The following VMP1 variants were observed in gnomAD, a reference collection of about 807,000 sequenced individuals.
VMP1 encodes vacuole membrane protein 1.
VMP1 carries 11 observed loss-of-function variants against 56.0 expected under a neutral mutation model. The ratio of observed to expected loss-of-function variants is 0.20; its 90% CI spans 0.12 to 0.32. The LOEUF is 0.32. VMP1 is among the 10% of genes least tolerant of loss of function. VMP1 has a pLI of 1.00. For synonymous variants in VMP1, 149 were observed against 165.0 expected, an observed-to-expected ratio of 0.90 and a Z score of 0.74; for missense variants, 296 against 490.3, an observed-to-expected ratio of 0.60 and a Z score of 3.74.
intron 7 of VMP1, among the ~76,000 whole-genome samples, chr17:59,806,534 A>G (rs76703969): frequency 6.6e-6 from 1 of 151,822 alleles, no homozygotes. Context: ...TGACAATATG[A>G]TGAAACCCCC....
chr17:59,811,398 A>G (rs986987756), intron 8 of VMP1, among the ~76,000 whole-genome samples: 16 of 152,198 alleles, frequency 1.1e-4, no homozygotes, highest in Non-Finnish European at 1.9e-4. Context: ...ACAAACACAC[A>G]CACAGTGCCT....
chr17:59,731,121 T>C (rs950557709), intron 1 of VMP1, among the ~76,000 whole-genome samples: 1 of 152,226 alleles, frequency 6.6e-6, no homozygotes. Context: ...GATATCCTCC[T>C]TCTGTGGACA....
chr17:59,777,853 C>CA (rs869189824), intron 7 of VMP1, among the ~76,000 whole-genome samples: 1 of 145,616 alleles, frequency 6.9e-6, no homozygotes, highest in Admixed American at 6.9e-5. Context: ...CAAAACAAAA[C>CA]AAAAAAACAA....
At chr17:59,798,007 G>C (rs1428167187) in intron 7 of VMP1, among the ~76,000 whole-genome samples, 2 of 152,222 alleles carry the variant, frequency 1.3e-5, no homozygotes, top group African/African-American at 4.8e-5. Context: ...AGTGCCACCA[G>C]CAGGGTTTCT....
chr17:59,784,140 T>A (rs56251713), intron 7 of VMP1, among the ~76,000 whole-genome samples: 65,679 of 132,052 alleles, frequency 0.5, 16,115 homozygotes, highest in Non-Finnish European at 0.55. Context: ...TGTGTGTGTG[T>A]GTGAGAGAGA....
rs2034814592 is a variant in VMP1 at position 59,731,308 on chromosome 17, T to C, written c.-26-113T>C. ...AAAGAAAAAAAGTGTAAACACATCA[T>C]ACATATCATGTGGCTTATTACTGTG... On this transcript the variant is annotated intron_variant, in intron 1 of 11. Coordinates refer to ENST00000262291, the MANE Select transcript of VMP1 (RefSeq NM_030938.5). 3.4e-5 allele frequency: 20 copies of C among 585,628 alleles called. No homozygotes were observed. The South Asian group carries it at 4.2e-4, about 12-fold the overall frequency. 36.3% of individuals were successfully genotyped at this position (585,628 alleles called of 1,614,324 possible).
At chr17:59,734,546 A>T (rs2034947193) in intron 2 of VMP1, among the ~76,000 whole-genome samples, 1 of 152,178 alleles carries the variant, frequency 6.6e-6, no homozygotes, top group South Asian at 2.1e-4. Flanking sequence ...GAGCCCAGGC[A>T]ACGTAGTGAG....
rs1166096406 is a variant in VMP1 at position 59,840,097 on chromosome 17, TCCACCCTCGATG to T, written c.*188_*199del. The T allele has an allele frequency of 1.5e-6, 1 of 656,922 alleles. No homozygotes were observed. Among genetic ancestry groups the T allele is most frequent in the Non-Finnish European group, 2.4e-6 (1 of 409,040 alleles). 40.7% of individuals were successfully genotyped at this position (656,922 alleles called of 1,614,324 possible). On this transcript the variant is annotated 3_prime_UTR_variant, in exon 12 of 12. Transcript: ENST00000262291. Reference sequence around the variant, plus strand: ...TTTCCTTCTGTGCTAAGGTAAGGTATCCACCCTCGATGCAATCCACCTTGTGTTTTCTTAGGG... The same window carrying T: ...TTTCCTTCTGTGCTAAGGTAAGGTATCAATCCACCTTGTGTTTTCTTAGGG...
At chr17:59,791,291 C>T (rs1392474487) in intron 7 of VMP1, among the ~76,000 whole-genome samples, 2 of 150,182 alleles carry the variant, frequency 1.3e-5, no homozygotes, top group African/African-American at 4.9e-5. Flanking sequence ...CAGGTTCAAA[C>T]GATTCTCCTG....
intron 11 of VMP1, chr17:59,838,608 A>G (rs1400088233): frequency 3.6e-6 from 2 of 553,810 alleles, no homozygotes; most frequent in Non-Finnish European, 6.5e-6. Flanking sequence ...CCTAAAAACA[A>G]GGGTAGAGCC....
intron 7 of VMP1, among the ~76,000 whole-genome samples, chr17:59,797,870 A>G (rs1255051079): frequency 1.3e-5 from 2 of 152,226 alleles, no homozygotes; most frequent in Non-Finnish European, 2.9e-5. Flanking sequence ...GCAAAACACC[A>G]TCTCAAAAAA....
rs1179269248 is a variant in VMP1 at position 59,772,950 on chromosome 17, C to CTTTTTT, written c.583-779_583-774dup. Among the ~76,000 whole-genome samples the CTTTTTT allele has an allele frequency of 4.8e-3, 269 of 55,718 alleles. 65 individuals carry two copies. The highest frequency in any genetic ancestry group is 0.016 in the African/African-American group (209 of 12,780). 36.6% of individuals were successfully genotyped at this position (55,718 alleles called of 152,430 possible). Reference sequence around the variant, plus strand: ...TATCTAACACATATACTGGTGAATTCTTTTTTTTTTTTTTTTTTTTTTTTT... The same window carrying CTTTTTT: ...TATCTAACACATATACTGGTGAATTCTTTTTTTTTTTTTTTTTTTTTTTTTTTTTTT... On this transcript the variant is annotated intron_variant, in intron 6 of 11. Transcript: ENST00000262291.
chr17:59,783,117 A>C (rs1332911205), intron 7 of VMP1, among the ~76,000 whole-genome samples: 4 of 152,076 alleles, frequency 2.6e-5, no homozygotes, highest in African/African-American at 9.7e-5. Flanking sequence ...AATGGCATGA[A>C]CCTGGGAGGT....
At chr17:59,750,539 T>C (rs2035600172) in intron 5 of VMP1, among the ~76,000 whole-genome samples, 1 of 152,094 alleles carries the variant, frequency 6.6e-6, no homozygotes, top group Non-Finnish European at 1.5e-5. Context: ...TGACCTCAGG[T>C]GATCCACCCA....
intron 10 of VMP1, among the ~76,000 whole-genome samples, chr17:59,823,622 G>A (rs1044130436): frequency 4.6e-5 from 7 of 151,136 alleles, no homozygotes; most frequent in African/African-American, 9.7e-5. Context: ...TGTGGTGGAC[G>A]GCACCTGTAT....
intron 6 of VMP1, among the ~76,000 whole-genome samples, chr17:59,770,738 A>G (rs1282113538): frequency 6.6e-6 from 1 of 151,374 alleles, no homozygotes; most frequent in African/African-American, 2.4e-5. Context: ...ACACCACCAT[A>G]CCCGGCTAAT....
intron 5 of VMP1, among the ~76,000 whole-genome samples, chr17:59,761,412 T>A (rs867323666): frequency 1.1e-4 from 16 of 152,358 alleles, no homozygotes; most frequent in African/African-American, 3.4e-4. Context: ...TATTAAATTG[T>A]TGATTGTATG....
chr17:59,732,385 G>C (rs186304886), intron 2 of VMP1, among the ~76,000 whole-genome samples: 47 of 152,276 alleles, frequency 3.1e-4, no homozygotes, highest in Middle Eastern at 6.8e-3. Context: ...TGGAATTAAA[G>C]GCATGCGCCA....
chr17:59,824,786 T>C (rs1043121824), intron 10 of VMP1, among the ~76,000 whole-genome samples: 2 of 147,862 alleles, frequency 1.4e-5, no homozygotes, highest in Non-Finnish European at 3.0e-5. Context: ...GGTGGGAGAA[T>C]CTCTTGAACC....
Sources: gnomAD v4.1 joint callset for allele counts (sites outside exome capture counted in the v4.1 genomes callset) on GRCh38, gnomAD v4.1.1 for gene constraint, MANE v1.5 for transcripts, NCBI Gene and HGNC (gene_info 2026-07-23, HGNC 2026-07-21) for gene names.